ANKS1B: variants seen among roughly 807,000 people sequenced by gnomAD.
ANKS1B encodes the protein ankyrin repeat and sterile alpha motif domain-containing protein 1B.
A neutral mutation model predicts 148.3 loss-of-function variants in ANKS1B; 36 were observed. The ratio of observed to expected loss-of-function variants is 0.24; its 90% confidence interval spans 0.19 to 0.32. The LOEUF (loss-of-function observed/expected upper bound fraction) is 0.32. Among genes scored for constraint, ANKS1B ranks in the 10% least tolerant of loss-of-function variants. The pLI is 1.00. For synonymous variants in ANKS1B, 542 were observed against 560.8 expected, an observed-to-expected ratio of 0.97 and a Z score of 0.47; for missense variants, 1,157 against 1,542.6, an observed-to-expected ratio of 0.75 and a Z score of 4.19.
chr12:98,858,794 CTGTGA>C (rs2099584643), intron 17 of ANKS1B, among the ~76,000 whole-genome samples: 1 of 152,210 alleles, frequency 6.6e-6, no homozygotes, highest in Admixed American at 6.5e-5. Context: ...CTACTGGAAG[CTGTGA>C]TGTCCAATGT....
At chr12:99,132,580 G>A (rs1010739423) in intron 15 of ANKS1B, among the ~76,000 whole-genome samples, 5 of 152,146 alleles carry the variant, frequency 3.3e-5, no homozygotes, top group Non-Finnish European at 7.3e-5. Flanking sequence ...TATTGAAGGT[G>A]AGTAGTGAAA....
chr12:99,463,809 C>A (rs1322532399), intron 10 of ANKS1B, among the ~76,000 whole-genome samples: 1 of 152,220 alleles, frequency 6.6e-6, no homozygotes, highest in African/African-American at 2.4e-5. Context: ...GGGTGGAGCC[C>A]ACCACAGCTC....
chr12:98,905,886 C>T (rs754759435), intron 17 of ANKS1B, among the ~76,000 whole-genome samples: 5 of 152,092 alleles, frequency 3.3e-5, no homozygotes. Flanking sequence ...ATGGTTAGCC[C>T]ACTCTCTTTC....
At chr12:98,901,308 G>T (rs1212071633) in intron 17 of ANKS1B, among the ~76,000 whole-genome samples, 1 of 152,188 alleles carries the variant, frequency 6.6e-6, no homozygotes, top group African/African-American at 2.4e-5. Flanking sequence ...CTGGTAGTTG[G>T]AAGGCCTGGG....
intron 9 of ANKS1B, among the ~76,000 whole-genome samples, chr12:99,591,084 T>G (rs772877353): frequency 3.2e-4 from 49 of 152,078 alleles, no homozygotes; most frequent in Non-Finnish European, 1.5e-5. Flanking sequence ...ACTGGTATTG[T>G]GCTGTGTACC....
intron 19 of ANKS1B, among the ~76,000 whole-genome samples, chr12:98,818,524 ATTGGGATCATGCTG>A (rs2099160259): frequency 6.6e-6 from 1 of 152,132 alleles, no homozygotes; most frequent in Admixed American, 6.5e-5. Context: ...ATTTGAGTCA[ATTGGGATCATGCTG>A]TTTATAGCAA....
At chr12:99,071,400 C>T (rs1364977564) in intron 16 of ANKS1B, among the ~76,000 whole-genome samples, 4 of 152,294 alleles carry the variant, frequency 2.6e-5, no homozygotes, top group Admixed American at 2.0e-4. Context: ...GGTGACAATG[C>T]CTTATTCAAA....
chr12:99,186,064 G>A (rs929591944), intron 14 of ANKS1B, among the ~76,000 whole-genome samples: 8 of 152,296 alleles, frequency 5.3e-5, no homozygotes, highest in Non-Finnish European at 7.4e-5. Flanking sequence ...GGGAAGGGGC[G>A]TCCGCTATGA....
Position 98,802,221 on chromosome 12 carries a change from C to T in ANKS1B, c.3142-1096G>A, listed in dbSNP as rs892255862. Among the ~76,000 whole-genome samples the T allele has an allele frequency of 1.2e-4, 18 of 152,286 alleles. No individual in the cohort carries two copies. In the East Asian group the frequency reaches 3.5e-3, roughly 29 times the overall value. On this transcript the variant is annotated intron_variant, in intron 20 of 26. Coordinates refer to ENST00000683438, the MANE Select transcript of ANKS1B (RefSeq NM_001352186.2). ...GAAGAGTGTAAAAAGGTCTCATAAA[C>T]TCCAAAATCAAATAAAACCTTGGTT...
intron 9 of ANKS1B, among the ~76,000 whole-genome samples, chr12:99,627,904 A>T (rs1412274188): frequency 6.6e-6 from 1 of 152,172 alleles, no homozygotes; most frequent in Non-Finnish European, 1.5e-5. Context: ...TTTTGCACCA[A>T]CTACTTGCTC....
At chr12:99,512,798 G>A (rs1464140277) in intron 9 of ANKS1B, among the ~76,000 whole-genome samples, 3 of 152,016 alleles carry the variant, frequency 2.0e-5, no homozygotes, top group African/African-American at 7.2e-5. Flanking sequence ...AACTAATGCA[G>A]GAACAGACAA....
At chr12:99,164,481 C>G (rs1181679381) in intron 14 of ANKS1B, among the ~76,000 whole-genome samples, 1 of 151,810 alleles carries the variant, frequency 6.6e-6, no homozygotes, top group Non-Finnish European at 1.5e-5. Context: ...TTCTATTTTT[C>G]TCTTTTTAAC....
At chr12:98,965,891 A>G (rs1420733278) in intron 17 of ANKS1B, among the ~76,000 whole-genome samples, 2 of 152,242 alleles carry the variant, frequency 1.3e-5, no homozygotes, top group Non-Finnish European at 2.9e-5. Flanking sequence ...TCATACGAAA[A>G]TTAATTCAAG....
chr12:99,835,366 T>C (rs149240419), intron 1 of ANKS1B, among the ~76,000 whole-genome samples: 2 of 151,796 alleles, frequency 1.3e-5, no homozygotes, highest in African/African-American at 4.8e-5. Context: ...GAGGTGGAGG[T>C]TGCAGTGAGC....
At chr12:99,515,706 T>C (rs1239271093) in intron 9 of ANKS1B, among the ~76,000 whole-genome samples, 2 of 152,060 alleles carry the variant, frequency 1.3e-5, no homozygotes, top group Non-Finnish European at 2.9e-5. Flanking sequence ...AGCAATGGGA[T>C]TGCTGAATTA....
chr12:98,871,742 T>A (rs61199696), intron 17 of ANKS1B, among the ~76,000 whole-genome samples: 4,505 of 152,288 alleles, frequency 0.03, 223 homozygotes, highest in African/African-American at 0.1. Flanking sequence ...CTAGATAATG[T>A]AGATTGATGA....
intron 12 of ANKS1B, among the ~76,000 whole-genome samples, chr12:99,305,333 G>A (rs895299884): frequency 1.2e-4 from 18 of 151,916 alleles, no homozygotes; most frequent in African/African-American, 4.4e-4. Context: ...GTATATTTCT[G>A]CTGATATCAA....
chr12:99,648,307 A>C, intron 9 of ANKS1B: 1 of 1,614,164 alleles, frequency 6.2e-7, no homozygotes, highest in South Asian at 1.1e-5. Flanking sequence ...GTATGCACCC[A>C]TGTTTGAGAG....
rs1315162384 is a variant in ANKS1B at position 99,575,435 on chromosome 12, T to C, written c.1273-70794A>G. 7.2e-5 allele frequency among the ~76,000 whole-genome samples: 11 copies of C among 152,106 alleles called. No individual in the cohort carries two copies. The East Asian group carries it at 2.1e-3, about 29-fold the overall frequency. On this transcript the variant is annotated intron_variant, in intron 9 of 26. Transcript: ENST00000683438. Reference sequence around the variant, plus strand: ...AAAGCAGTACTGTATTAGTCTGTTTTCACACTGCTAATAAAGACATACCCA... The same window carrying C: ...AAAGCAGTACTGTATTAGTCTGTTTCCACACTGCTAATAAAGACATACCCA...
Sources: allele counts gnomAD v4.1 joint callset (sites outside exome capture counted in the v4.1 genomes callset), GRCh38; gene constraint gnomAD v4.1.1; transcripts MANE v1.5; gene names NCBI Gene and HGNC (gene_info 2026-07-23, HGNC 2026-07-21).